Variants in OSBPL10 observed in about 807,000 individuals in gnomAD.
OSBPL10 encodes the protein oxysterol-binding protein-related protein 10.
In OSBPL10, 49 loss-of-function variants were observed where a neutral mutation model predicts 81.7. That is an observed-to-expected ratio of 0.60 (90% CI 0.48 to 0.76). OSBPL10 has a LOEUF of 0.76. Ranked by LOEUF, OSBPL10 falls within the 30% of genes least tolerant of loss-of-function variation. The pLI is 0.00. For missense variants in OSBPL10, 923 were observed against 987.8 expected (o/e 0.93, Z 0.88); for synonymous variants, 419 against 383.6 (o/e 1.09, Z -1.08).
chr3:31,924,343 AG>A (rs1330278919), intron 1 of OSBPL10, among the ~76,000 whole-genome samples: 1 of 152,128 alleles, frequency 6.6e-6, no homozygotes, highest in Admixed American at 6.5e-5. Context: ...GGCCATCTAG[AG>A]GGGAGAGAGC....
At chr3:31,774,033 G>T (rs749913530) in intron 4 of OSBPL10, among the ~76,000 whole-genome samples, 5 of 151,958 alleles carry the variant, frequency 3.3e-5, no homozygotes, top group Non-Finnish European at 5.9e-5. Flanking sequence ...GTGGTGGCAC[G>T]CGCCTGTAAT....
At chr3:31,950,972 T>C (rs1300875036) in intron 1 of OSBPL10, among the ~76,000 whole-genome samples, 1 of 152,208 alleles carries the variant, frequency 6.6e-6, no homozygotes, top group African/African-American at 2.4e-5. Context: ...CTTTTCTTTA[T>C]AAATTACCCA....
chr3:31,772,083 A>G (rs761258317), intron 4 of OSBPL10, among the ~76,000 whole-genome samples: 2 of 152,172 alleles, frequency 1.3e-5, no homozygotes, highest in Admixed American at 1.3e-4. Flanking sequence ...CATTATGCAC[A>G]GTAGTTATGT....
At chr3:31,795,635 G>T in intron 4 of OSBPL10, 1 of 205,552 alleles carries the variant, frequency 4.9e-6, no homozygotes. Context: ...AGACAAAAGG[G>T]CAACCTCATT....
chr3:31,693,057 C>CT (rs761574838), intron 7 of OSBPL10, among the ~76,000 whole-genome samples: 13 of 152,186 alleles, frequency 8.5e-5, no homozygotes, highest in Non-Finnish European at 1.6e-4. Flanking sequence ...AAGGCAAACA[C>CT]TCGGGAGAGA....
At chr3:31,855,859 TCA>T (rs1050182846) in intron 3 of OSBPL10, among the ~76,000 whole-genome samples, 102 of 152,014 alleles carry the variant, frequency 6.7e-4, no homozygotes, top group African/African-American at 2.3e-3. Flanking sequence ...TCAGAACTTC[TCA>T]CAGAGGGCTA....
At chr3:32,033,689 A>G (rs1002689537) in intron 2 of OSBPL10, among the ~76,000 whole-genome samples, 1 of 152,220 alleles carries the variant, frequency 6.6e-6, no homozygotes, top group African/African-American at 2.4e-5. Flanking sequence ...TCTGCCTTTA[A>G]GACAGTAAGC....
At position 31,965,396 on chromosome 3, in the gene OSBPL10, T is replaced by TAATAG. The variant is rs1349450469; in HGVS notation, c.281+15502_281+15503insCTATT. On this transcript the variant is annotated intron_variant, in intron 1 of 11. Transcript: ENST00000396556. Reference sequence around the variant, plus strand: ...AAAAATATATATATTATGTATAATATATAATATAAAATATATATTATATAT... The same window carrying TAATAG: ...AAAAATATATATATTATGTATAATATAATAGATAATATAAAATATATATTATATAT... 3.7e-5 allele frequency among the ~76,000 whole-genome samples: 4 copies of TAATAG among 108,578 alleles called. 1 individual carries two copies. The highest frequency in any genetic ancestry group is 5.0e-5 in the Non-Finnish European group (3 of 59,638). 71.2% of individuals were successfully genotyped at this position (108,578 alleles called of 152,430 possible). A position where few individuals can be genotyped will look rare whatever the true frequency, so the allele number is the denominator to read the frequency against.
intron 1 of OSBPL10, among the ~76,000 whole-genome samples, chr3:31,904,401 G>T (rs1204563595): frequency 6.6e-6 from 1 of 152,132 alleles, no homozygotes; most frequent in Non-Finnish European, 1.5e-5. Context: ...AACCAGACCA[G>T]GCTGCCACAA....
chr3:32,039,630 G>A (rs916641142), intron 2 of OSBPL10, among the ~76,000 whole-genome samples: 1 of 151,892 alleles, frequency 6.6e-6, no homozygotes, highest in Admixed American at 6.6e-5. Context: ...TTGCACTCCA[G>A]CCTGGGTGAC....
intron 2 of OSBPL10, among the ~76,000 whole-genome samples, chr3:32,032,450 A>G (rs1305057117): frequency 6.6e-6 from 1 of 152,128 alleles, no homozygotes; most frequent in Non-Finnish European, 1.5e-5. Flanking sequence ...TTAAATAAGT[A>G]AAAAGAAAAA....
At chr3:31,929,786 T>C (rs1390018922) in intron 1 of OSBPL10, among the ~76,000 whole-genome samples, 3 of 135,086 alleles carry the variant, frequency 2.2e-5, no homozygotes, top group Non-Finnish European at 4.7e-5. Context: ...AAGCTCTTAC[T>C]AAGTAAGAAA....
rs1201725529 is a variant in OSBPL10, at chr3:31,695,720, GGTGT to G, written c.1245+6635_1245+6638del. 2.6e-5 allele frequency among the ~76,000 whole-genome samples: 4 copies of G among 152,152 alleles called. No homozygotes were observed. In the East Asian group the frequency reaches 7.7e-4, roughly 29 times the overall value. Reference sequence around the variant, plus strand: ...TCAAAACCTTAAGTGGCCCCCTGGTGGTGTGTGACAATCCTCCTACCTGCTTCCT... The same window carrying G: ...TCAAAACCTTAAGTGGCCCCCTGGTGGTGACAATCCTCCTACCTGCTTCCT... On this transcript the variant is annotated intron_variant, in intron 7 of 11. Coordinates refer to ENST00000396556, the MANE Select transcript of OSBPL10 (RefSeq NM_017784.5).
chr3:31,951,923 T>C (rs1697881641), intron 1 of OSBPL10, among the ~76,000 whole-genome samples: 1 of 152,120 alleles, frequency 6.6e-6, no homozygotes, highest in Non-Finnish European at 1.5e-5. Context: ...AAAAATTAGA[T>C]ATAATTCACA....
chr3:31,787,014 T>G (rs1435875668), intron 4 of OSBPL10, among the ~76,000 whole-genome samples: 3 of 152,204 alleles, frequency 2.0e-5, no homozygotes, highest in Non-Finnish European at 4.4e-5. Flanking sequence ...ATTATCTGTT[T>G]GCCAGGTTGT....
upstream of OSBPL10, among the ~76,000 whole-genome samples, chr3:31,982,185 T>C (rs1370704661): frequency 6.6e-6 from 1 of 152,194 alleles, no homozygotes; most frequent in Non-Finnish European, 1.5e-5. Context: ...AATTAACAGA[T>C]ATTTACAAAC....
At chr3:31,939,334 AG>A (rs1697473261) in intron 1 of OSBPL10, among the ~76,000 whole-genome samples, 1 of 151,506 alleles carries the variant, frequency 6.6e-6, no homozygotes, top group Non-Finnish European at 1.5e-5. Flanking sequence ...AAGTAGAGAC[AG>A]GGTTTCACTA....
At chr3:31,833,439 T>C (rs932594766) in intron 3 of OSBPL10, among the ~76,000 whole-genome samples, 1 of 152,174 alleles carries the variant, frequency 6.6e-6, no homozygotes, top group Non-Finnish European at 1.5e-5. Flanking sequence ...ATTATGCATA[T>C]ACAATACTTA....
At chr3:31,677,000 C>T (rs1052017712) in intron 8 of OSBPL10, among the ~76,000 whole-genome samples, 3 of 152,172 alleles carry the variant, frequency 2.0e-5, no homozygotes, top group Non-Finnish European at 4.4e-5. Context: ...CATTTCATTA[C>T]AGTCAAATAT....
Sources: gnomAD v4.1 joint callset for allele counts (sites outside exome capture counted in the v4.1 genomes callset) on GRCh38, gnomAD v4.1.1 for gene constraint, MANE v1.5 for transcripts, NCBI Gene and HGNC (gene_info 2026-07-23, HGNC 2026-07-21) for gene names.